The following ZNF69 variants were observed in gnomAD, a reference collection of about 807,000 sequenced individuals.
ZNF69 encodes ZNF3.
ZNF69 carries 47 observed loss-of-function variants against 50.9 expected under a neutral mutation model. The ratio of observed to expected loss-of-function variants is 0.92; its 90% CI spans 0.73 to 1.18. The LOEUF is 1.18. Ranked by LOEUF, ZNF69 falls within the 50% of genes most tolerant of loss-of-function variation. The pLI, the probability that ZNF69 is intolerant of heterozygous loss-of-function variation, is 0.00. For synonymous variants in ZNF69, 216 were observed against 223.1 expected (o/e 0.97, Z 0.29); for missense variants, 717 against 675.1 (o/e 1.06, Z -0.69).
the ZNF69 span, among the ~76,000 whole-genome samples, chr19:11,923,174 C>T: frequency 6.6e-6 from 1 of 152,148 alleles, no homozygotes; most frequent in Non-Finnish European, 1.5e-5. Flanking sequence ...GCAGTTTATT[C>T]CCTGACAGCG....
At chr19:11,913,196 CA>C (rs919269273) in intron 4 of ZNF69, among the ~76,000 whole-genome samples, 15 of 140,002 alleles carry the variant, frequency 1.1e-4, no homozygotes, top group South Asian at 2.3e-4. Flanking sequence ...GGCTCCGTTT[CA>C]AAAAAAAAAG....
the ZNF69 span, chr19:11,977,036 A>C: frequency 6.2e-7 from 1 of 1,614,174 alleles, no homozygotes. Context: ...GAGATGTTTC[A>C]GGACCCTGTG....
the ZNF69 span, among the ~76,000 whole-genome samples, chr19:11,963,088 A>G: frequency 4.3e-5 from 6 of 138,248 alleles, no homozygotes; most frequent in African/African-American, 9.1e-5. Flanking sequence ...AGAGAGAGAG[A>G]GTGTGTGTGT....
the ZNF69 span, among the ~76,000 whole-genome samples, chr19:11,922,519 G>A: frequency 6.6e-6 from 1 of 152,194 alleles, no homozygotes; most frequent in Non-Finnish European, 1.5e-5. Flanking sequence ...GCAAATATGA[G>A]GAAGTTCAGG....
chr19:11,903,487 A>C, intron 1 of ZNF69, 86 bp from the exon 2 acceptor site: 1 of 1,576,168 alleles, frequency 6.3e-7, no homozygotes, highest in Middle Eastern at 1.7e-4. Context: ...AGTCCACGGC[A>C]TCCTGAGAAC....
At chr19:11,916,115 A>G (rs577237214), downstream of ZNF69, among the ~76,000 whole-genome samples, 25 of 152,316 alleles carry the variant, frequency 1.6e-4, no homozygotes, top group South Asian at 1.2e-3. Context: ...TTTTCCAGAC[A>G]TTCTAGTGAA....
the ZNF69 span, among the ~76,000 whole-genome samples, chr19:11,968,297 A>G: frequency 6.6e-6 from 1 of 152,134 alleles, no homozygotes. Flanking sequence ...TCTGTGGCCC[A>G]GGCTGGAGCA....
chr19:11,896,111 T>C (rs1027927712), intron 1 of ZNF69, among the ~76,000 whole-genome samples: 6 of 150,478 alleles, frequency 4.0e-5, no homozygotes, highest in East Asian at 3.9e-4. Context: ...CCCAGCTACT[T>C]GGAAGGCTGA....
intron 4 of ZNF69, chr19:11,913,348 A>G: frequency 1.8e-6 from 1 of 562,124 alleles, no homozygotes; most frequent in Admixed American, 3.7e-5. Context: ...TTTACTTTTC[A>G]TGCTTATGTA....
the ZNF69 span, among the ~76,000 whole-genome samples, chr19:11,933,147 G>A: frequency 1.4e-5 from 2 of 147,216 alleles, no homozygotes; most frequent in Non-Finnish European, 2.9e-5. Context: ...GCCAGGTGCT[G>A]TGCCTCATAC....
At chr19:11,967,745 T>G in the ZNF69 span, among the ~76,000 whole-genome samples, 1 of 152,118 alleles carries the variant, frequency 6.6e-6, no homozygotes, top group Non-Finnish European at 1.5e-5. Context: ...AAAGAAGGAA[T>G]GTTCTCTGTT....
chr19:11,933,521 T>C, the ZNF69 span, among the ~76,000 whole-genome samples: 314 of 147,506 alleles, frequency 2.1e-3, 8 homozygotes, highest in Middle Eastern at 6.8e-3. Flanking sequence ...TAATCATAGC[T>C]CTCCCCTCCC....
chr19:11,931,739 C>G, the ZNF69 span, among the ~76,000 whole-genome samples: 2 of 147,994 alleles, frequency 1.4e-5, no homozygotes, highest in East Asian at 3.9e-4. Flanking sequence ...GCATTTTATA[C>G]TGATGTTTTT....
the ZNF69 span, among the ~76,000 whole-genome samples, chr19:11,955,525 C>G: frequency 6.6e-6 from 1 of 151,860 alleles, no homozygotes; most frequent in Non-Finnish European, 1.5e-5. Flanking sequence ...TCCCTAATAG[C>G]TGAGACCACA....
chr19:11,949,494 A>T, the ZNF69 span: 1 of 1,612,330 alleles, frequency 6.2e-7, no homozygotes, highest in Admixed American at 1.7e-5. Context: ...AGCACCTTCA[A>T]ATTCATGAAA....
At chr19:11,978,618 C>A in the ZNF69 span, 377 of 1,614,074 alleles carry the variant, frequency 2.3e-4, 1 homozygote, top group Non-Finnish European at 2.2e-5. Context: ...TGAATGTAAA[C>A]AATGTGTTAA....
the ZNF69 span, among the ~76,000 whole-genome samples, chr19:11,921,458 T>G: frequency 1.6e-4 from 25 of 152,184 alleles, no homozygotes; most frequent in African/African-American, 5.5e-4. Flanking sequence ...CATGAACCAA[T>G]GCTCCCAGCC....
At chr19:11,964,250 G>T in the ZNF69 span, among the ~76,000 whole-genome samples, 10 of 152,240 alleles carry the variant, frequency 6.6e-5, no homozygotes, top group Non-Finnish European at 2.9e-5. Flanking sequence ...GAAAGCAGAA[G>T]AGACGTGCAG....
chr19:11,966,767 A>G, the ZNF69 span, among the ~76,000 whole-genome samples: 9 of 152,166 alleles, frequency 5.9e-5, no homozygotes, highest in African/African-American at 2.2e-4. Context: ...GGTTGCAGAG[A>G]TGCAGTTGCC....
Sources: gnomAD v4.1 joint callset for allele counts (sites outside exome capture counted in the v4.1 genomes callset) on GRCh38, gnomAD v4.1.1 for gene constraint, MANE v1.5 for transcripts, NCBI Gene and HGNC (gene_info 2026-07-23, HGNC 2026-07-21) for gene names.